The following HDGF variants were observed in gnomAD, a reference collection of about 807,000 sequenced individuals.
HDGF encodes heparin binding growth factor, also known as hepatoma-derived growth factor.
In HDGF, 5 loss-of-function variants were observed where a neutral mutation model predicts 30.0. The ratio of observed to expected loss-of-function variants is 0.17; its 90% confidence interval spans 0.09 to 0.35. HDGF has a LOEUF of 0.35. HDGF is among the 10% of genes least tolerant of loss of function. HDGF has a pLI of 1.00. For missense variants in HDGF, 214 were observed against 302.8 expected, an observed-to-expected ratio of 0.71 and a Z score of 2.18; for synonymous variants, 133 against 112.7, an observed-to-expected ratio of 1.18 and a Z score of -1.14.
chr1:156,752,138 T>G (rs1218231017), upstream of HDGF: 1 of 1,551,470 alleles, frequency 6.4e-7, no homozygotes, highest in East Asian at 2.4e-5. Context: ...CACCCGCGGT[T>G]CTTGGCAGCG....
intron 1 of HDGF, among the ~76,000 whole-genome samples, chr1:156,748,248 AC>A (rs1169828445): frequency 6.6e-6 from 1 of 152,148 alleles, no homozygotes. Context: ...CTACAGTGAC[AC>A]CTCTATCCCT....
upstream of HDGF, among the ~76,000 whole-genome samples, chr1:156,757,284 G>A (rs113374527): frequency 4.0e-5 from 6 of 151,280 alleles, no homozygotes; most frequent in Non-Finnish European, 7.4e-5. Context: ...CCAACATGGT[G>A]AAACCCCGTC....
intron 1 of HDGF, among the ~76,000 whole-genome samples, chr1:156,749,819 C>T (rs969467365): frequency 2.6e-5 from 4 of 152,178 alleles, no homozygotes; most frequent in Non-Finnish European, 5.9e-5. Flanking sequence ...CTTAGTCCAG[C>T]CTCTGGACTT....
At position 156,742,247 on chromosome 1, in the gene HDGF, AG is replaced by A. The variant is rs1425601590; in HGVS notation, c.*1201del. 2.0e-5 allele frequency: 3 copies of A among 152,644 alleles called. No individual in the cohort carries two copies. Among genetic ancestry groups the A allele is most frequent in the Admixed American group, 6.5e-5 (1 of 15,272 alleles). The allele number at this position is 152,644 out of a possible 1,614,324, so 9.5% of individuals were successfully genotyped here. A position where few individuals can be genotyped will look rare whatever the true frequency, so the allele number is the denominator to read the frequency against. On this transcript the variant is annotated 3_prime_UTR_variant, in exon 6 of 6. Transcript: ENST00000357325. ...GGGTAAAAGAGACGAGACTGTAGAG[AG>A]GCATAGAGAGACCAGTAGGAAGAGG...
At chr1:156,747,030 C>G (rs1025689651) in intron 1 of HDGF, among the ~76,000 whole-genome samples, 7 of 151,910 alleles carry the variant, frequency 4.6e-5, no homozygotes, top group Non-Finnish European at 1.0e-4. Flanking sequence ...CCCCGCTTGC[C>G]CCGTGGCCTC....
At position 156,745,143 on chromosome 1, in the gene HDGF, T is replaced by A; in HGVS notation, c.168A>T (p.Ala56=). ...GGAAGAGGTCTTTGGGGCCCAGGAA[T>A]GCCCTGGTGAGAGATGGGAGACTGT... ...QVFFFGTHET[A]FLGPKDLFPY... is the part of the protein sequence containing the mutation. The change falls in exon 3 of 6, where the codon GCA becomes GCT. Residue 56 remains alanine (A), a synonymous_variant. Coordinates refer to ENST00000357325, the MANE Select transcript of HDGF (RefSeq NM_004494.3). The A allele has an allele frequency of 6.2e-7, 1 of 1,613,970 alleles. No homozygotes were observed. The highest frequency in any genetic ancestry group is 1.3e-5 in the African/African-American group (1 of 74,976).
chr1:156,744,252 C>T lies in HDGF; in HGVS notation c.400G>A (p.Asp134Asn), dbSNP rs1374562419. ...DKKGNAEGSS[D>N]EEGKLVIDEP... ...TCAATGACCAGCTTCCCTTCCTCGT[C>T]GCTGCTGCCCTCTGCATTCCCCTTC... The change falls in exon 4 of 6, where the codon GAC (aspartate) becomes AAC (asparagine). Residue 134 changes from aspartate to asparagine, a missense_variant. Asp to Asn is a conservative substitution (Grantham distance 23). Coordinates refer to ENST00000357325, the MANE Select transcript of HDGF (RefSeq NM_004494.3). 19 of 1,614,050 alleles carry T rather than the reference C, an allele frequency of 1.2e-5. No homozygotes were observed. Among genetic ancestry groups the T allele is most frequent in the Non-Finnish European group, 1.5e-5 (18 of 1,180,040 alleles).
chr1:156,743,433 C>T lies in HDGF; in HGVS notation c.*16G>A. On this transcript the variant is annotated 3_prime_UTR_variant, in exon 6 of 6. Transcript: ENST00000357325. ...CAGCAGGAACAGGGTGGGGGCTCCT[C>T]TTGAAACATTGGTGGCTACAGGCTG... The T allele has an allele frequency of 6.6e-7, 1 of 1,515,288 alleles. No individual in the cohort carries two copies. Among genetic ancestry groups the T allele is most frequent in the Non-Finnish European group, 8.8e-7 (1 of 1,133,890 alleles). 93.9% of individuals were successfully genotyped at this position (1,515,288 alleles called of 1,614,324 possible).
upstream of HDGF, chr1:156,767,358 G>T (rs1477095388): frequency 4.6e-6 from 1 of 216,904 alleles, no homozygotes; most frequent in East Asian, 7.8e-5. Context: ...CCCTGCGTCA[G>T]AGGCGGGTTT....
Position 156,745,018 on chromosome 1 carries a change from G to A in HDGF, c.293C>T (p.Ser98Phe), listed in dbSNP as rs1179207124. The change falls in exon 3 of 6, where the codon TCC becomes TTC. Residue 98 changes from serine (S) to phenylalanine (F), a missense_variant. Ser to Phe is a radical substitution (Grantham distance 155, BLOSUM62 -2). Coordinates refer to ENST00000357325, the MANE Select transcript of HDGF (RefSeq NM_004494.3). The stretch of plus-strand genomic sequence containing the variant: ...CAGGCGGTGGCTCACCTGATAGCCG[G>A]AAGCCTTGACAGTAGGGTTGTTCTC... ...EIENNPTVKA[S>F]GYQSSQKKSC... is the part of the protein sequence containing the mutation. 1 of 1,613,940 alleles carries A rather than the reference G, an allele frequency of 6.2e-7. No individual in the cohort carries two copies. The highest frequency in any genetic ancestry group is 1.7e-5 in the Admixed American group (1 of 59,984).
intron 1 of HDGF, among the ~76,000 whole-genome samples, chr1:156,764,828 G>A (rs960583133): frequency 2.0e-5 from 3 of 150,992 alleles, no homozygotes; most frequent in Non-Finnish European, 4.4e-5. Flanking sequence ...GGAGGTTGCG[G>A]TGAGCCAAAT....
chr1:156,762,364 C>G (rs1651265716), intron 1 of HDGF, among the ~76,000 whole-genome samples: 1 of 151,588 alleles, frequency 6.6e-6, no homozygotes, highest in African/African-American at 2.4e-5. Flanking sequence ...TGAGCCTTGT[C>G]AAGAGGCTGG....
intron 1 of HDGF, among the ~76,000 whole-genome samples, chr1:156,746,539 C>T (rs1370153860): frequency 6.6e-6 from 1 of 152,252 alleles, no homozygotes; most frequent in East Asian, 1.9e-4. Flanking sequence ...GGCCAGGTCT[C>T]AGGTCACCTG....
intron 1 of HDGF, 67 bp from the exon 2 acceptor site, chr1:156,745,440 G>T: frequency 7.6e-7 from 1 of 1,312,236 alleles, no homozygotes; most frequent in South Asian, 1.2e-5. Flanking sequence ...CAGGGGTGCT[G>T]ACCTCCAAGG....
intron 1 of HDGF, among the ~76,000 whole-genome samples, chr1:156,761,773 C>T (rs1319454345): frequency 6.6e-6 from 1 of 150,706 alleles, no homozygotes; most frequent in East Asian, 2.0e-4. Flanking sequence ...TGGTGAAACC[C>T]CTGTCTCTAC....
rs966561320 is a variant in HDGF at position 156,751,161 on chromosome 1, C to G, written c.87+182G>C. 6.6e-6 allele frequency among the ~76,000 whole-genome samples: 1 copy of G among 152,098 alleles called. No individual in the cohort carries two copies. Among genetic ancestry groups the G allele is most frequent in the African/African-American group, 2.4e-5 (1 of 41,418 alleles). Reference sequence around the variant, plus strand: ...TGCCCGCCAGGTGTCTACCCCCACCCCCGCCCGCCTCCACCATTATATAAC... The same window carrying G: ...TGCCCGCCAGGTGTCTACCCCCACCGCCGCCCGCCTCCACCATTATATAAC... On this transcript the variant is annotated intron_variant, in intron 1 of 5. Coordinates refer to ENST00000357325, the MANE Select transcript of HDGF (RefSeq NM_004494.3). This position sits in a 1 kb window ranked among gnomAD's most constrained non-coding sequence, Gnocchi z 4.7.
chr1:156,743,302 TG>T lies in HDGF; in HGVS notation c.*146del. The T allele has an allele frequency of 1.2e-6, 1 of 845,690 alleles. No individual in the cohort carries two copies. Among genetic ancestry groups the T allele is most frequent in the Non-Finnish European group, 1.8e-6 (1 of 541,104 alleles). The allele number at this position is 845,690 out of a possible 1,614,324, so 52.4% of individuals were successfully genotyped here. A position where few individuals can be genotyped will look rare whatever the true frequency, so the allele number is the denominator to read the frequency against. Reference sequence around the variant, plus strand: ...CCCATCCAGGTCAATCTCCATGGGCTGGGCTTGGAGTGGGAAAAGTGAGTAG... The same window carrying T: ...CCCATCCAGGTCAATCTCCATGGGCTGGCTTGGAGTGGGAAAAGTGAGTAG... On this transcript the variant is annotated 3_prime_UTR_variant, in exon 6 of 6. Coordinates refer to ENST00000357325, the MANE Select transcript of HDGF (RefSeq NM_004494.3).
rs148010782 is a variant in HDGF at position 156,744,335 on chromosome 1, T to C, written c.317A>G (p.Lys106Arg). The C allele has an allele frequency of 1.2e-5, 19 of 1,613,954 alleles. No individual in the cohort carries two copies. The African/African-American group carries it at 2.4e-4, about 20-fold the overall frequency. ...TGGTTCAGGCTCTTCCACACAGCTCTTTTTCTGGGAGGACTGCAGCAGAGA... is the reference window on the plus strand; with the variant it reads ...TGGTTCAGGCTCTTCCACACAGCTCCTTTTCTGGGAGGACTGCAGCAGAGA... ...KASGYQSSQK[K>R]SCVEEPEPEP... The change falls in exon 4 of 6, where the codon AAG becomes AGG. Residue 106 changes from lysine (K) to arginine (R), a missense_variant. Physicochemically the swap from Lys to Arg is conservative, Grantham distance 26. Transcript: ENST00000357325.
At chr1:156,750,000 T>C (rs1231878410) in intron 1 of HDGF, among the ~76,000 whole-genome samples, 1 of 152,170 alleles carries the variant, frequency 6.6e-6, no homozygotes, top group East Asian at 1.9e-4. Context: ...TCACTCCCAA[T>C]AGCGGAAGCC....
Sources: gnomAD v4.1 joint callset for allele counts (sites outside exome capture counted in the v4.1 genomes callset) on GRCh38, gnomAD v4.1.1 for gene constraint, Gnocchi (gnomAD v3.1) non-coding constraint, MANE v1.5 for transcripts, NCBI Gene and HGNC (gene_info 2026-07-23, HGNC 2026-07-21) for gene names.